CLCN3: variants seen among roughly 807,000 people sequenced by gnomAD.
CLCN3 encodes Cl-/H+ antiporter 3.
In CLCN3, 16 loss-of-function variants were observed where a neutral mutation model predicts 83.4. That is an observed-to-expected ratio of 0.19 (90% CI 0.13 to 0.29). The LOEUF is 0.29. Ranked by LOEUF, CLCN3 falls within the 10% of genes least tolerant of loss-of-function variation. The pLI, the probability that CLCN3 is intolerant of heterozygous loss-of-function variation, is 1.00. For missense variants in CLCN3, 544 were observed against 1,006.0 expected (o/e 0.54, Z 6.21); for synonymous variants, 322 against 346.2 (o/e 0.93, Z 0.78).
intron 2 of CLCN3, among the ~76,000 whole-genome samples, chr4:169,671,712 C>A (rs573386396): frequency 1.3e-5 from 2 of 152,252 alleles, no homozygotes; most frequent in African/African-American, 4.8e-5. Flanking sequence ...CTGTGTATTT[C>A]TTTTCCTATG....
At chr4:169,686,884 A>G (rs28404050) in intron 3 of CLCN3, among the ~76,000 whole-genome samples, 25,364 of 151,894 alleles carry the variant, frequency 0.17, 3,429 homozygotes, top group African/African-American at 0.38. Context: ...TAATCTCCTA[A>G]CTTCCTACAC....
intron 2 of CLCN3, among the ~76,000 whole-genome samples, chr4:169,642,303 A>G (rs967292301): frequency 2.0e-5 from 3 of 152,160 alleles, no homozygotes; most frequent in African/African-American, 7.2e-5. Flanking sequence ...TAAATAAAAG[A>G]ACCTGTTTAG....
Position 169,697,593 on chromosome 4 carries a change from C to T in CLCN3, c.1422C>T (p.Tyr474=). 1.9e-6 allele frequency: 3 copies of T among 1,614,188 alleles called. No homozygotes were observed. Among genetic ancestry groups the T allele is most frequent in the Non-Finnish European group, 2.5e-6 (3 of 1,180,012 alleles). ...TGGAATCCTCTTCTCTTTGTGACTA[C>T]AGAAATGACATGAATGCCAGTAAAA... is the stretch of plus-strand genomic sequence containing the variant. ...GPLESSSLCD[Y]RNDMNASKIV... Residue 474 remains tyrosine (Y), a synonymous_variant, in exon 9 of 13, where the codon TAC becomes TAT. Coordinates refer to ENST00000513761, the MANE Select transcript of CLCN3 (RefSeq NM_001829.4).
rs374300078 is a variant in CLCN3 at position 169,667,744 on chromosome 4, CT to C, written c.161-12298del. Reference sequence around the variant, plus strand: ...GAACTCATTGTCCAAATTTTTAAGACTTTTTTTTCTTTTTTTTTTTGAGATG... The same window carrying C: ...GAACTCATTGTCCAAATTTTTAAGACTTTTTTTCTTTTTTTTTTTGAGATG... On this transcript the variant is annotated intron_variant, in intron 2 of 12. Transcript: ENST00000513761. Among the ~76,000 whole-genome samples the C allele has an allele frequency of 4.2e-3, 636 of 149,972 alleles. 7 individuals are homozygous for C. Among genetic ancestry groups the C allele is most frequent in the South Asian group, 0.034 (159 of 4,658 alleles).
chr4:169,651,339 C>T (rs1730726825), intron 2 of CLCN3, among the ~76,000 whole-genome samples: 1 of 152,026 alleles, frequency 6.6e-6, no homozygotes, highest in South Asian at 2.1e-4. Flanking sequence ...AATTTTCAAG[C>T]TTCATGTTTT....
chr4:169,723,118 A>G lies in CLCN3; in HGVS notation c.*3121A>G, dbSNP rs890984059. The G allele has an allele frequency of 6.6e-6, 1 of 152,230 alleles. No homozygotes were observed. Among genetic ancestry groups the G allele is most frequent in the African/African-American group, 2.4e-5 (1 of 41,462 alleles). The allele number at this position is 152,230 out of a possible 1,614,324, so 9.4% of individuals were successfully genotyped here. ...ATTTATACTAGTGTAGTAAAGCTGC[A>G]TATCATTACAGTAAAAACGACTACT... On this transcript the variant is annotated 3_prime_UTR_variant, in exon 13 of 13. Coordinates refer to ENST00000513761, the MANE Select transcript of CLCN3 (RefSeq NM_001829.4).
intron 12 of CLCN3, among the ~76,000 whole-genome samples, chr4:169,716,513 C>T (rs1344046830): frequency 1.3e-5 from 2 of 148,252 alleles, no homozygotes; most frequent in Non-Finnish European, 2.9e-5. Flanking sequence ...GAATTGATGG[C>T]TTAAAAAAAA....
intron 2 of CLCN3, among the ~76,000 whole-genome samples, chr4:169,667,115 TATTTTATA>T (rs1446192641): frequency 4.6e-5 from 7 of 152,214 alleles, no homozygotes; most frequent in South Asian, 2.1e-4. Context: ...TTTACTCCTG[TATTTTATA>T]ATTTTAGCTC....
chr4:169,682,621 A>G lies in CLCN3; in HGVS notation c.318+2414A>G, dbSNP rs535427858. 5.3e-4 allele frequency among the ~76,000 whole-genome samples: 80 copies of G among 152,350 alleles called. 1 individual carries two copies. Among genetic ancestry groups the G allele is most frequent in the African/African-American group, 1.8e-3 (75 of 41,596 alleles). Reference sequence around the variant, plus strand: ...GCAGCAGATGTGTGTAGTTATGCATAGTTCCTTATGCATGGTTCTTATTTC... The same window carrying G: ...GCAGCAGATGTGTGTAGTTATGCATGGTTCCTTATGCATGGTTCTTATTTC... On this transcript the variant is annotated intron_variant, in intron 3 of 12. Transcript: ENST00000513761.
Position 169,721,804 on chromosome 4 carries a change from A to G in CLCN3, c.*1807A>G, listed in dbSNP as rs1222294626. On this transcript the variant is annotated 3_prime_UTR_variant, in exon 13 of 13. Transcript: ENST00000513761. ...GGACTGGGCTAAATATTCTGTAATT[A>G]TGCATTTTTGATAGGAAAATGAAAT... The G allele has an allele frequency of 6.6e-6, 1 of 152,152 alleles. No homozygotes were observed. The highest frequency in any genetic ancestry group is 1.5e-5 in the Non-Finnish European group (1 of 68,032). 9.4% of individuals were successfully genotyped at this position (152,152 alleles called of 1,614,324 possible). A position where few individuals can be genotyped will look rare whatever the true frequency, so the allele number is the denominator to read the frequency against.
At chr4:169,716,796 A>G (rs1733438947) in intron 12 of CLCN3, among the ~76,000 whole-genome samples, 1 of 152,250 alleles carries the variant, frequency 6.6e-6, no homozygotes. Context: ...AGCTATAGGA[A>G]CAGGCTACTT....
intron 4 of CLCN3, 76 bp from the exon 5 acceptor site, chr4:169,688,967 T>G (rs1467836833): frequency 5.6e-6 from 7 of 1,255,456 alleles, no homozygotes; most frequent in Non-Finnish European, 7.9e-6. Flanking sequence ...GCTTTCTACT[T>G]GCCTTTTAAC....
At chr4:169,715,747 A>G (rs1295241885) in intron 12 of CLCN3, among the ~76,000 whole-genome samples, 1 of 152,164 alleles carries the variant, frequency 6.6e-6, no homozygotes, top group African/African-American at 2.4e-5. Context: ...TCTGCACTTT[A>G]TATTTTAACT....
intron 2 of CLCN3, among the ~76,000 whole-genome samples, chr4:169,676,262 T>C (rs923060052): frequency 8.5e-5 from 13 of 152,216 alleles, no homozygotes; most frequent in Admixed American, 7.2e-4. Flanking sequence ...TCATTACCAA[T>C]AGATGAGACA....
chr4:169,625,961 C>T (rs1301515191), intron 1 of CLCN3, among the ~76,000 whole-genome samples: 1 of 152,216 alleles, frequency 6.6e-6, no homozygotes, highest in Admixed American at 6.5e-5. Flanking sequence ...GGGTGCCCCC[C>T]GGTTCCAATA....
chr4:169,662,413 C>T (rs1275253587), intron 2 of CLCN3, among the ~76,000 whole-genome samples: 2 of 152,072 alleles, frequency 1.3e-5, no homozygotes, highest in African/African-American at 4.8e-5. Flanking sequence ...AGTGTCTATG[C>T]GTAAGATGTT....
At chr4:169,679,070 C>T (rs181525169) in intron 2 of CLCN3, among the ~76,000 whole-genome samples, 13,925 of 150,508 alleles carry the variant, frequency 0.093, 660 homozygotes, top group African/African-American at 0.13. Context: ...GGTGGCCGGG[C>T]GGAGACGCTC....
At chr4:169,673,907 C>T (rs908371458) in intron 2 of CLCN3, among the ~76,000 whole-genome samples, 3 of 151,996 alleles carry the variant, frequency 2.0e-5, no homozygotes, top group African/African-American at 4.8e-5. Flanking sequence ...AAGAGTAAAA[C>T]GCAGACATGA....
At chr4:169,705,668 A>G (rs138025900) in intron 10 of CLCN3, among the ~76,000 whole-genome samples, 1 of 152,314 alleles carries the variant, frequency 6.6e-6, no homozygotes, top group African/African-American at 2.4e-5. Context: ...CATAGTAGGT[A>G]GGATCTGTCT....
Sources: gnomAD v4.1 joint callset for allele counts (sites outside exome capture counted in the v4.1 genomes callset) on GRCh38, gnomAD v4.1.1 for gene constraint, MANE v1.5 for transcripts, NCBI Gene and HGNC (gene_info 2026-07-23, HGNC 2026-07-21) for gene names.